PHF14: variants seen among roughly 807,000 people sequenced by gnomAD.
PHF14 encodes PHD finger protein 14.
In PHF14, 55 loss-of-function variants were observed where a neutral mutation model predicts 117.9. That is an observed-to-expected ratio of 0.47 (90% CI 0.38 to 0.58). PHF14 has a LOEUF of 0.58. PHF14 is among the 20% of genes least tolerant of loss of function. The pLI, the probability that PHF14 is intolerant of heterozygous loss-of-function variation, is 0.00. For synonymous variants in PHF14, 409 were observed against 368.6 expected, an observed-to-expected ratio of 1.11 and a Z score of -1.26; for missense variants, 978 against 1,122.2, an observed-to-expected ratio of 0.87 and a Z score of 1.84.
intron 17 of PHF14, among the ~76,000 whole-genome samples, chr7:11,141,518 A>T (rs916921404): frequency 1.3e-5 from 2 of 152,080 alleles, no homozygotes; most frequent in African/African-American, 4.8e-5. Flanking sequence ...ATTGTTTGTT[A>T]TATGCAGAAA....
chr7:10,998,073 A>G (rs568459237), intron 4 of PHF14, among the ~76,000 whole-genome samples: 1 of 152,256 alleles, frequency 6.6e-6, no homozygotes, highest in African/African-American at 2.4e-5. Flanking sequence ...TGGTGATATA[A>G]GGAAAATAGT....
rs921614272 is a variant in PHF14 at position 11,102,797 on chromosome 7, G to A, written c.2655-8553G>A. The A allele has an allele frequency of 1.1e-5, 15 of 1,323,726 alleles. No individual in the cohort carries two copies. The South Asian group carries it at 2.4e-4, about 21-fold the overall frequency. 82.0% of individuals were successfully genotyped at this position (1,323,726 alleles called of 1,614,324 possible). The stretch of plus-strand genomic sequence containing the variant: ...TTTGCACTTATCAGAAATATTTGAT[G>A]TGTGCATTGTTGAAAAATACTGGAT... On this transcript the variant is annotated intron_variant, in intron 16 of 17. Coordinates refer to ENST00000634607, the MANE Select transcript of PHF14 (RefSeq NM_001007157.2).
chr7:11,127,927 T>G (rs1163409023), intron 17 of PHF14, among the ~76,000 whole-genome samples: 1 of 152,062 alleles, frequency 6.6e-6, no homozygotes, highest in Non-Finnish European at 1.5e-5. Context: ...TTTCACTTCT[T>G]CAAACACTTT....
At chr7:10,978,495 G>C (rs1241661276) in intron 2 of PHF14, among the ~76,000 whole-genome samples, 1 of 152,108 alleles carries the variant, frequency 6.6e-6, no homozygotes, top group Non-Finnish European at 1.5e-5. Context: ...TTGAGACTTG[G>C]AATTGTTTTT....
chr7:11,161,619 AT>A (rs1269385776), intron 17 of PHF14, among the ~76,000 whole-genome samples: 1 of 141,410 alleles, frequency 7.1e-6, no homozygotes, highest in African/African-American at 2.8e-5. Flanking sequence ...TTTAGATAAC[AT>A]TTTTAAATAT....
chr7:11,116,355 GT>G (rs1787601590), intron 17 of PHF14, among the ~76,000 whole-genome samples: 1 of 151,990 alleles, frequency 6.6e-6, no homozygotes, highest in Non-Finnish European at 1.5e-5. Context: ...TGTGGTCATT[GT>G]TACTGGGATA....
chr7:11,099,963 CTA>C (rs1374182661), intron 16 of PHF14, among the ~76,000 whole-genome samples: 1 of 152,044 alleles, frequency 6.6e-6, no homozygotes, highest in Non-Finnish European at 1.5e-5. Context: ...TGACAATTGA[CTA>C]TTGACAATTT....
intron 17 of PHF14, among the ~76,000 whole-genome samples, chr7:11,124,353 A>G (rs1787858729): frequency 1.3e-5 from 2 of 152,188 alleles, no homozygotes; most frequent in African/African-American, 4.8e-5. Flanking sequence ...GCAGTTTACC[A>G]TGTTGTTAAA....
At chr7:11,145,619 C>G (rs1788528055) in intron 17 of PHF14, among the ~76,000 whole-genome samples, 1 of 151,952 alleles carries the variant, frequency 6.6e-6, no homozygotes, top group East Asian at 1.9e-4. Flanking sequence ...TCAATAGCAA[C>G]TTTATTTAAA....
At chr7:11,105,534 A>G in intron 16 of PHF14, 1 of 979,992 alleles carries the variant, frequency 1.0e-6, no homozygotes, top group Non-Finnish European at 1.2e-6. Context: ...AAATTTTTAA[A>G]AAAATTTAAA....
chr7:11,091,840 C>T (rs1786651656), intron 16 of PHF14, among the ~76,000 whole-genome samples: 1 of 152,130 alleles, frequency 6.6e-6, no homozygotes, highest in Non-Finnish European at 1.5e-5. Flanking sequence ...TTCTTTACCC[C>T]TTAAGTATTC....
intron 3 of PHF14, among the ~76,000 whole-genome samples, chr7:10,988,210 C>A (rs776137521): frequency 1.8e-4 from 28 of 152,028 alleles, no homozygotes; most frequent in Non-Finnish European, 3.5e-4. Flanking sequence ...TCATGAGGAT[C>A]AGAGGGCCAG....
At chr7:10,988,233 ATGT>A (rs1308346490) in intron 3 of PHF14, among the ~76,000 whole-genome samples, 1 of 152,166 alleles carries the variant, frequency 6.6e-6, no homozygotes, top group Non-Finnish European at 1.5e-5. Context: ...ACATTAGTTA[ATGT>A]TGTTTTCTCT....
Position 11,023,037 on chromosome 7 carries a change from C to T in PHF14, c.1317+58C>T, listed in dbSNP as rs1583379199. ...GAGAAAGGTTTTACTTGTTAGTTTA[C>T]CTGGCTTTTTATTTGTATTATGTTG... On this transcript the variant is annotated intron_variant, in intron 6 of 17. Transcript: ENST00000634607. The T allele has an allele frequency of 5.6e-6, 5 of 899,264 alleles. No homozygotes were observed. In the East Asian group the frequency reaches 1.3e-4, roughly 24 times the overall value. The allele number at this position is 899,264 out of a possible 1,614,324, so 55.7% of individuals were successfully genotyped here.
intron 13 of PHF14, among the ~76,000 whole-genome samples, chr7:11,051,085 G>A (rs923515072): frequency 3.3e-5 from 5 of 152,140 alleles, no homozygotes; most frequent in African/African-American, 1.2e-4. Context: ...ATGTTACCCA[G>A]GCTGGAGTGC....
chr7:11,162,771 C>T (rs1465346969), intron 17 of PHF14, among the ~76,000 whole-genome samples: 4 of 151,154 alleles, frequency 2.6e-5, no homozygotes, highest in South Asian at 2.1e-4. Context: ...GCGCAACCTC[C>T]GCTTCCTGGG....
At chr7:11,099,476 A>C (rs1464024560) in intron 16 of PHF14, among the ~76,000 whole-genome samples, 1 of 152,168 alleles carries the variant, frequency 6.6e-6, no homozygotes, top group African/African-American at 2.4e-5. Flanking sequence ...ACAATTTTAG[A>C]GTAATAAACA....
chr7:11,013,453 C>T lies in PHF14; in HGVS notation c.1046-294C>T, dbSNP rs539033485. 5.9e-5 allele frequency among the ~76,000 whole-genome samples: 9 copies of T among 152,302 alleles called. No individual in the cohort carries two copies. The South Asian group carries it at 1.9e-3, about 32-fold the overall frequency. On this transcript the variant is annotated intron_variant, in intron 4 of 17. Coordinates refer to ENST00000634607, the MANE Select transcript of PHF14 (RefSeq NM_001007157.2). ...CTGGGAATACAGGCATGAGCCACTGCACCCAGCCTAATTTTTATATTTTTT... is the reference window on the plus strand; with the variant it reads ...CTGGGAATACAGGCATGAGCCACTGTACCCAGCCTAATTTTTATATTTTTT...
At chr7:11,152,187 G>T (rs1207678115) in intron 17 of PHF14, among the ~76,000 whole-genome samples, 1 of 152,128 alleles carries the variant, frequency 6.6e-6, no homozygotes, top group African/African-American at 2.4e-5. Flanking sequence ...GCAAAAATTG[G>T]ATTGTTTTGG....
Sources: gnomAD v4.1 joint callset for allele counts (sites outside exome capture counted in the v4.1 genomes callset) on GRCh38, gnomAD v4.1.1 for gene constraint, MANE v1.5 for transcripts, NCBI Gene and HGNC (gene_info 2026-07-23, HGNC 2026-07-21) for gene names.